The following ADRA1B variants were observed in gnomAD, a reference collection of about 807,000 sequenced individuals.
ADRA1B encodes the protein adrenoceptor alpha 1B.
ADRA1B carries 17 observed loss-of-function variants against 17.9 expected under a neutral mutation model. The observed-to-expected ratio is 0.95, with a 90% CI of 0.65 to 1.42. The LOEUF is 1.42. Ranked by LOEUF, ADRA1B falls within the 40% of genes most tolerant of loss-of-function variation. The probability of loss-of-function intolerance (pLI) is 0.00; values close to 1 mark genes in which losing one functional copy is unlikely to be tolerated. For synonymous variants in ADRA1B, 366 were observed against 327.6 expected, an observed-to-expected ratio of 1.12 and a Z score of -1.27; for missense variants, 681 against 722.1, an observed-to-expected ratio of 0.94 and a Z score of 0.65.
At chr5:159,941,152 G>A (rs1320971094) in intron 1 of ADRA1B, among the ~76,000 whole-genome samples, 1 of 152,204 alleles carries the variant, frequency 6.6e-6, no homozygotes, top group East Asian at 1.9e-4. Context: ...CTGGACACAT[G>A]AGTGTAATCA....
chr5:159,870,167 G>A (rs1038861670), intron 1 of ADRA1B: 8 of 152,160 alleles, frequency 5.3e-5, no homozygotes, highest in Admixed American at 2.0e-4. Flanking sequence ...ATCTAGACTC[G>A]GAGGTACAGG....
upstream of ADRA1B, among the ~76,000 whole-genome samples, chr5:159,912,323 T>G (rs1312728808): frequency 6.6e-6 from 1 of 152,216 alleles, no homozygotes; most frequent in Non-Finnish European, 1.5e-5. Context: ...TCCAGGCTCT[T>G]CATCACTTCA....
chr5:159,915,244 C>A (rs1346557971), upstream of ADRA1B, among the ~76,000 whole-genome samples: 3 of 152,174 alleles, frequency 2.0e-5, no homozygotes, highest in African/African-American at 4.8e-5. Flanking sequence ...CAGTTCCCAG[C>A]AGCTCTCCTC....
chr5:159,977,690 C>T (rs1348228538), downstream of ADRA1B, among the ~76,000 whole-genome samples: 2 of 152,172 alleles, frequency 1.3e-5, no homozygotes, highest in Non-Finnish European at 2.9e-5. Flanking sequence ...GCCGACTTGG[C>T]TGGAGTCAGA....
chr5:159,917,960 T>C, intron 1 of ADRA1B, 106 bp downstream of exon 1: 1 of 995,456 alleles, frequency 1.0e-6, no homozygotes, highest in South Asian at 1.6e-5. Context: ...ATGCAGTCTG[T>C]GCGTGTTCGG....
chr5:159,887,978 A>C (rs1437089726), intron 1 of ADRA1B: 2 of 152,194 alleles, frequency 1.3e-5, no homozygotes, highest in Non-Finnish European at 2.9e-5. Context: ...CTTTCAAATA[A>C]TATTACTCAT....
intron 1 of ADRA1B, among the ~76,000 whole-genome samples, chr5:159,901,317 C>A (rs1754097973): frequency 6.7e-6 from 1 of 150,318 alleles, no homozygotes; most frequent in African/African-American, 2.5e-5. Context: ...TCACCCTTTG[C>A]TCTTCCAGCA....
chr5:159,908,354 G>A (rs1318884838), intron 1 of ADRA1B, among the ~76,000 whole-genome samples: 1 of 152,186 alleles, frequency 6.6e-6, no homozygotes, highest in Non-Finnish European at 1.5e-5. Flanking sequence ...GCCCCATCAA[G>A]TCTCATGTTG....
At chr5:159,932,759 A>G (rs1354615429) in intron 1 of ADRA1B, among the ~76,000 whole-genome samples, 5 of 152,132 alleles carry the variant, frequency 3.3e-5, no homozygotes, top group Non-Finnish European at 7.4e-5. Context: ...CTTAAACACT[A>G]TTCCTCATTT....
At chr5:159,958,550 G>T (rs966178440) in intron 1 of ADRA1B, among the ~76,000 whole-genome samples, 3 of 151,854 alleles carry the variant, frequency 2.0e-5, no homozygotes, top group Non-Finnish European at 4.4e-5. Flanking sequence ...TATTTCCATT[G>T]ATCTGGATAT....
At chr5:159,979,728 C>A in the ADRA1B span, among the ~76,000 whole-genome samples, 1 of 152,004 alleles carries the variant, frequency 6.6e-6, no homozygotes, top group African/African-American at 2.4e-5. Flanking sequence ...ATCAGCTAGG[C>A]GTGGTGGCAC....
At chr5:159,868,569 G>C (rs1753693905) in intron 1 of ADRA1B, 1 of 152,216 alleles carries the variant, frequency 6.6e-6, no homozygotes, top group South Asian at 2.1e-4. Context: ...GAGAAACTAG[G>C]TTGCTATATT....
the ADRA1B span, among the ~76,000 whole-genome samples, chr5:159,986,200 T>C: frequency 6.6e-6 from 1 of 152,118 alleles, no homozygotes; most frequent in Non-Finnish European, 1.5e-5. Context: ...GCTCAAGGGA[T>C]CCTCTCACCT....
intron 1 of ADRA1B, chr5:159,955,126 G>A (rs183993708): frequency 1.7e-4 from 164 of 984,828 alleles, no homozygotes; most frequent in East Asian, 1.1e-3. Context: ...TCAGGATACC[G>A]AAAGACAAGA....
chr5:159,980,535 G>T, the ADRA1B span, among the ~76,000 whole-genome samples: 2 of 152,286 alleles, frequency 1.3e-5, no homozygotes, highest in African/African-American at 2.4e-5. Context: ...TGGGCTTGAG[G>T]TCAGAAAGAA....
the ADRA1B span, among the ~76,000 whole-genome samples, chr5:159,979,279 C>T: frequency 6.6e-6 from 1 of 152,214 alleles, no homozygotes; most frequent in Admixed American, 6.5e-5. Flanking sequence ...TCCTGATTTT[C>T]CCATTTATTA....
the ADRA1B span, among the ~76,000 whole-genome samples, chr5:159,987,708 G>A: frequency 6.6e-6 from 1 of 152,206 alleles, no homozygotes. Context: ...GGGTCCGTGC[G>A]CTGGCTTCAG....
intron 1 of ADRA1B, among the ~76,000 whole-genome samples, chr5:159,907,987 AGTTGGT>A (rs1754181142): frequency 6.6e-6 from 1 of 152,014 alleles, no homozygotes; most frequent in Admixed American, 6.6e-5. Flanking sequence ...ACACACACAG[AGTTGGT>A]TGCCATCATG....
At chr5:159,962,363 ACTGGTGCTGCCATCTGT>A (rs567797127) in intron 1 of ADRA1B, among the ~76,000 whole-genome samples, 27 of 152,232 alleles carry the variant, frequency 1.8e-4, no homozygotes, top group East Asian at 3.9e-4. Context: ...GGGACCTCAG[ACTGGTGCTGCCATCTGT>A]CTGAGTGGTG....
Sources: allele counts gnomAD v4.1 joint callset (sites outside exome capture counted in the v4.1 genomes callset), GRCh38; gene constraint gnomAD v4.1.1; transcripts MANE v1.5; gene names NCBI Gene and HGNC (gene_info 2026-07-23, HGNC 2026-07-21).